MDGA2: variants seen among roughly 807,000 people sequenced by gnomAD.
MDGA2 encodes the protein MAM domain-containing glycosylphosphatidylinositol anchor protein 2.
A neutral mutation model predicts 117.8 loss-of-function variants in MDGA2; 40 were observed. The ratio of observed to expected loss-of-function variants is 0.34; its 90% CI spans 0.26 to 0.44. MDGA2 has a LOEUF of 0.44. MDGA2 is among the 20% of genes least tolerant of loss of function. The pLI is 1.00. For synonymous variants in MDGA2, 452 were observed against 439.0 expected, an observed-to-expected ratio of 1.03 and a Z score of -0.37; for missense variants, 1,123 against 1,250.6, an observed-to-expected ratio of 0.90 and a Z score of 1.54.
At chr14:47,254,465 C>T (rs1887552391) in intron 2 of MDGA2, among the ~76,000 whole-genome samples, 1 of 152,174 alleles carries the variant, frequency 6.6e-6, no homozygotes, top group Admixed American at 6.5e-5. Flanking sequence ...AGAGTTGCCT[C>T]TCCTCCAGTT....
At chr14:47,408,529 T>C (rs1318682948) in intron 1 of MDGA2, among the ~76,000 whole-genome samples, 1 of 152,266 alleles carries the variant, frequency 6.6e-6, no homozygotes, top group Admixed American at 6.5e-5. Context: ...GGGATCCACA[T>C]GCAATAAATG....
At chr14:47,665,815 C>CA in intron 1 of MDGA2, among the ~76,000 whole-genome samples, 1 of 5,510 alleles carries the variant, frequency 1.8e-4, no homozygotes, top group Non-Finnish European at 8.1e-4. Context: ...CGCCCCCCCT[C>CA]CCCCCCGCCC....
chr14:47,033,270 A>G (rs1228806218), intron 8 of MDGA2, among the ~76,000 whole-genome samples: 1 of 152,196 alleles, frequency 6.6e-6, no homozygotes, highest in Non-Finnish European at 1.5e-5. Context: ...AGAGATTCTG[A>G]TTTCTTGAAA....
chr14:47,273,951 A>G lies in MDGA2; in HGVS notation c.420+27460T>C, dbSNP rs148902509. Reference sequence around the variant, plus strand: ...TTATGTCAACATAAATATAAGCACAAGCAACCAAAAGAAAGGAAAATGAGC... The same window carrying G: ...TTATGTCAACATAAATATAAGCACAGGCAACCAAAAGAAAGGAAAATGAGC... On this transcript the variant is annotated intron_variant, in intron 2 of 16. Transcript: ENST00000399232. Among the ~76,000 whole-genome samples, 652 of 152,256 alleles carry G rather than the reference A, an allele frequency of 4.3e-3. 4 individuals carry two copies. Among genetic ancestry groups the G allele is most frequent in the African/African-American group, 0.015 (627 of 41,552 alleles).
At chr14:47,222,517 T>C (rs1487797516) in intron 2 of MDGA2, among the ~76,000 whole-genome samples, 1 of 152,132 alleles carries the variant, frequency 6.6e-6, no homozygotes, top group Non-Finnish European at 1.5e-5. Context: ...TACAGCTTTC[T>C]GAGATTCAGG....
At chr14:47,366,744 T>C (rs1329496032) in intron 1 of MDGA2, among the ~76,000 whole-genome samples, 1 of 151,624 alleles carries the variant, frequency 6.6e-6, no homozygotes, top group Non-Finnish European at 1.5e-5. Context: ...TTATTTGCCT[T>C]TTTCAAGTGA....
At chr14:47,316,633 C>T (rs1223017281) in intron 1 of MDGA2, among the ~76,000 whole-genome samples, 26 of 152,010 alleles carry the variant, frequency 1.7e-4, no homozygotes, top group Admixed American at 1.7e-3. Flanking sequence ...AAGAGAGAAG[C>T]AATTCTGGTA....
chr14:47,312,347 ACT>A (rs1889662110), intron 1 of MDGA2, among the ~76,000 whole-genome samples: 1 of 151,894 alleles, frequency 6.6e-6, no homozygotes, highest in African/African-American at 2.4e-5. Flanking sequence ...TGAGCCTCAC[ACT>A]CTGGCCTCTC....
At chr14:46,854,209 A>G (rs1881173607) in intron 15 of MDGA2, among the ~76,000 whole-genome samples, 1 of 151,844 alleles carries the variant, frequency 6.6e-6, no homozygotes, top group Non-Finnish European at 1.5e-5. Flanking sequence ...TCACTAGTAG[A>G]TTCAATGCTA....
chr14:47,183,029 C>T (rs939795224), intron 3 of MDGA2, among the ~76,000 whole-genome samples: 3 of 152,112 alleles, frequency 2.0e-5, no homozygotes, highest in African/African-American at 2.4e-5. Flanking sequence ...TGAAATCCAG[C>T]TCAAAAAACT....
chr14:47,496,783 A>AT (rs1894290564), intron 1 of MDGA2, among the ~76,000 whole-genome samples: 2 of 150,280 alleles, frequency 1.3e-5, no homozygotes, highest in Admixed American at 1.3e-4. Flanking sequence ...AATATATATA[A>AT]TATATTATAC....
intron 1 of MDGA2, among the ~76,000 whole-genome samples, chr14:47,496,459 G>T (rs1894283061): frequency 6.6e-6 from 1 of 152,002 alleles, no homozygotes; most frequent in African/African-American, 2.4e-5. Flanking sequence ...GCCCAGACTG[G>T]TCTCAAACTC....
At chr14:47,583,519 G>C (rs1442261898) in intron 1 of MDGA2, among the ~76,000 whole-genome samples, 1 of 151,814 alleles carries the variant, frequency 6.6e-6, no homozygotes, top group African/African-American at 2.4e-5. Flanking sequence ...TACGTATGTT[G>C]AGTTCTCTCA....
intron 1 of MDGA2, among the ~76,000 whole-genome samples, chr14:47,664,918 C>T (rs1290750998): frequency 1.3e-5 from 2 of 152,218 alleles, no homozygotes; most frequent in Non-Finnish European, 2.9e-5. Context: ...TAGCTTCGCA[C>T]ATTTAACACA....
intron 1 of MDGA2, among the ~76,000 whole-genome samples, chr14:47,485,777 C>T (rs1894048094): frequency 6.6e-6 from 1 of 152,168 alleles, no homozygotes; most frequent in Non-Finnish European, 1.5e-5. Flanking sequence ...AGGATGCAAG[C>T]CTTAAGCCTT....
At chr14:46,947,460 T>A (rs566867987) in intron 9 of MDGA2, among the ~76,000 whole-genome samples, 1 of 152,198 alleles carries the variant, frequency 6.6e-6, no homozygotes, top group Middle Eastern at 3.4e-3. Context: ...CTCAGAAGTC[T>A]AGCCAATATG....
At chr14:47,553,196 A>G (rs1389715306) in intron 1 of MDGA2, among the ~76,000 whole-genome samples, 1 of 152,180 alleles carries the variant, frequency 6.6e-6, no homozygotes, top group Non-Finnish European at 1.5e-5. Context: ...ATTGGCTTCT[A>G]TTATCATTAT....
chr14:46,856,265 T>C (rs1881264555), intron 14 of MDGA2, among the ~76,000 whole-genome samples: 2 of 152,102 alleles, frequency 1.3e-5, no homozygotes, highest in Admixed American at 1.3e-4. Flanking sequence ...ATCAACTGTA[T>C]TGAGGCAAAA....
At chr14:47,564,752 T>C (rs1289914552) in intron 1 of MDGA2, among the ~76,000 whole-genome samples, 2 of 152,360 alleles carry the variant, frequency 1.3e-5, no homozygotes, top group East Asian at 3.9e-4. Flanking sequence ...GGGATGTCAA[T>C]GAGTCACAGA....
Sources: gnomAD v4.1 joint callset for allele counts (sites outside exome capture counted in the v4.1 genomes callset) on GRCh38, gnomAD v4.1.1 for gene constraint, MANE v1.5 for transcripts, NCBI Gene and HGNC (gene_info 2026-07-23, HGNC 2026-07-21) for gene names.